The following LIN54 variants were observed in gnomAD, a reference collection of about 807,000 sequenced individuals.
LIN54 encodes the protein protein lin-54 homolog.
Under a neutral mutation model 78.7 loss-of-function variants are expected in LIN54, and 9 were observed. The observed-to-expected ratio is 0.11, with a 90% CI of 0.07 to 0.20. LIN54 has a LOEUF of 0.20. Among genes scored for constraint, LIN54 ranks in the 10% least tolerant of loss-of-function variants. LIN54 has a pLI of 1.00. For synonymous variants in LIN54, 269 were observed against 318.4 expected, an observed-to-expected ratio of 0.84 and a Z score of 1.65; for missense variants, 573 against 889.9, an observed-to-expected ratio of 0.64 and a Z score of 4.53.
intron 1 of LIN54, among the ~76,000 whole-genome samples, chr4:83,007,642 C>T (rs1265864200): frequency 6.6e-6 from 1 of 152,170 alleles, no homozygotes; most frequent in Non-Finnish European, 1.5e-5. Context: ...AACCTCAACA[C>T]TTTGGGAGGG....
At chr4:83,001,867 G>GA (rs1442633899) in intron 1 of LIN54, among the ~76,000 whole-genome samples, 1,081 of 8,304 alleles carry the variant, frequency 0.13, 408 homozygotes, top group Non-Finnish European at 0.14. Context: ...AAAAGGATAG[G>GA]AAGGAAGGAA....
At chr4:82,928,960 G>A (rs1430848179) in intron 12 of LIN54, among the ~76,000 whole-genome samples, 1 of 152,204 alleles carries the variant, frequency 6.6e-6, no homozygotes, top group Non-Finnish European at 1.5e-5. Flanking sequence ...TGCTATATTT[G>A]CAGCCAACTC....
intron 4 of LIN54, among the ~76,000 whole-genome samples, chr4:82,954,059 T>TA (rs1403501883): frequency 3.3e-5 from 5 of 152,154 alleles, no homozygotes; most frequent in Admixed American, 6.5e-5. Flanking sequence ...ATGTTACATG[T>TA]AAAAAAATAA....
At chr4:82,948,002 C>G (rs188415629) in intron 4 of LIN54, among the ~76,000 whole-genome samples, 1 of 152,060 alleles carries the variant, frequency 6.6e-6, no homozygotes, top group African/African-American at 2.4e-5. Flanking sequence ...AAATAATTCA[C>G]ATATTATCAT....
At chr4:82,943,097 C>T (rs938783426) in intron 5 of LIN54, among the ~76,000 whole-genome samples, 7 of 152,070 alleles carry the variant, frequency 4.6e-5, no homozygotes, top group African/African-American at 1.7e-4. Context: ...GTCCTCCTTA[C>T]CTTAGCGCAC....
chr4:82,936,444 A>T (rs1722398227), intron 9 of LIN54, 63 bp from the exon 10 acceptor site: 1 of 793,310 alleles, frequency 1.3e-6, no homozygotes. Flanking sequence ...TTATCTGATT[A>T]TGCATACATT....
At chr4:83,012,241 C>A (rs972891122), upstream of LIN54, among the ~76,000 whole-genome samples, 2 of 152,138 alleles carry the variant, frequency 1.3e-5, no homozygotes, top group Non-Finnish European at 2.9e-5. Context: ...TAAGTCCCGG[C>A]CCGCTCCCTT....
chr4:82,995,867 C>T (rs1025146466), intron 1 of LIN54, among the ~76,000 whole-genome samples: 1 of 151,706 alleles, frequency 6.6e-6, no homozygotes, highest in African/African-American at 2.4e-5. Flanking sequence ...GTTTCAGGAC[C>T]AGGCACGGTG....
At position 82,937,948 on chromosome 4, in the gene LIN54, T is replaced by C. The variant is rs142095564; in HGVS notation, c.1532+465A>G. On this transcript the variant is annotated intron_variant, in intron 8 of 12. Transcript: ENST00000340417. ...GAGGTGGAGATTAGCCTGGGCAATA[T>C]AGTGAGACCGCATCTCTACAAAAAA... Among the ~76,000 whole-genome samples, 56 of 152,172 alleles carry C rather than the reference T, an allele frequency of 3.7e-4. 1 individual carries two copies. The highest frequency in any genetic ancestry group is 1.3e-3 in the African/African-American group (55 of 41,526).
At chr4:83,011,357 A>G (rs1167192596), upstream of LIN54, among the ~76,000 whole-genome samples, 1 of 152,202 alleles carries the variant, frequency 6.6e-6, no homozygotes. Context: ...TCTAATTTAA[A>G]AAAATAAAGT....
At chr4:82,973,028 G>A (rs962994528) in intron 3 of LIN54, among the ~76,000 whole-genome samples, 1 of 150,614 alleles carries the variant, frequency 6.6e-6, no homozygotes, top group African/African-American at 2.4e-5. Flanking sequence ...AAGGCAACTT[G>A]ATGTTAATTC....
intron 3 of LIN54, among the ~76,000 whole-genome samples, chr4:82,974,468 G>A (rs1186567997): frequency 6.6e-6 from 1 of 152,152 alleles, no homozygotes; most frequent in Non-Finnish European, 1.5e-5. Flanking sequence ...TGGGCGTGGT[G>A]GCTCACACCT....
chr4:82,972,123 T>C (rs542028863), intron 3 of LIN54, among the ~76,000 whole-genome samples: 1 of 152,300 alleles, frequency 6.6e-6, no homozygotes, highest in East Asian at 1.9e-4. Context: ...GGCGTGATCA[T>C]AGCTCACTGC....
At chr4:82,929,980 C>T (rs976261118) in intron 12 of LIN54, among the ~76,000 whole-genome samples, 7 of 152,104 alleles carry the variant, frequency 4.6e-5, no homozygotes, top group Non-Finnish European at 1.0e-4. Flanking sequence ...TCACTGCAAC[C>T]TCTGCCTCCC....
chr4:82,983,115 C>A (rs1395206796), intron 2 of LIN54, among the ~76,000 whole-genome samples: 5 of 150,744 alleles, frequency 3.3e-5, no homozygotes, highest in African/African-American at 1.2e-4. Flanking sequence ...TCAACCGATT[C>A]TCCTGTCTCA....
At chr4:82,970,751 C>G (rs1355448322) in intron 3 of LIN54, among the ~76,000 whole-genome samples, 1 of 152,182 alleles carries the variant, frequency 6.6e-6, no homozygotes, top group East Asian at 1.9e-4. Context: ...AAGCTCAGGG[C>G]AACTAAGTAA....
At position 82,939,713 on chromosome 4, in the gene LIN54, T is replaced by C. The variant is rs142253468; in HGVS notation, c.1266A>G (p.Pro422=). 228 of 1,614,220 alleles carry C rather than the reference T, an allele frequency of 1.4e-4. 1 individual carries two copies. The African/African-American group carries it at 1.4e-3, about 10-fold the overall frequency. The change falls in exon 7 of 13, where the codon CCA becomes CCG. Residue 422 remains proline (P), a synonymous_variant. Coordinates refer to ENST00000340417, the MANE Select transcript of LIN54 (RefSeq NM_194282.4). The part of the protein sequence containing the change: ...VKQVVPKPIN[P]TSQIVTTSQP... Reference sequence around the variant, plus strand: ...GGCTAGTAGTTACTATTTGTGAAGTTGGATTGATTGGTTTTGGAACAACCT... The same window carrying C: ...GGCTAGTAGTTACTATTTGTGAAGTCGGATTGATTGGTTTTGGAACAACCT...
intron 12 of LIN54, among the ~76,000 whole-genome samples, chr4:82,929,178 A>G (rs1273395071): frequency 1.3e-5 from 2 of 152,382 alleles, no homozygotes; most frequent in Non-Finnish European, 1.5e-5. Context: ...ACTTTAAACT[A>G]GAAAATATTA....
chr4:82,955,350 C>T lies in LIN54; in HGVS notation c.952-8876G>A, dbSNP rs533002193. ...CTGCACTCCAGCCTGGGCAACAGAG[C>T]GAGACTCCATCTCAAAAAAATAACA... On this transcript the variant is annotated intron_variant, in intron 4 of 12. Coordinates refer to ENST00000340417, the MANE Select transcript of LIN54 (RefSeq NM_194282.4). Among the ~76,000 whole-genome samples, 41 of 129,804 alleles carry T rather than the reference C, an allele frequency of 3.2e-4. No individual in the cohort carries two copies. In the East Asian group the frequency reaches 6.3e-3, roughly 20 times the overall value. 85.2% of individuals were successfully genotyped at this position (129,804 alleles called of 152,430 possible).
Sources: gnomAD v4.1 joint callset for allele counts (sites outside exome capture counted in the v4.1 genomes callset) on GRCh38, gnomAD v4.1.1 for gene constraint, MANE v1.5 for transcripts, NCBI Gene and HGNC (gene_info 2026-07-23, HGNC 2026-07-21) for gene names.